The following BBS9 variants were observed in gnomAD, a reference collection of about 807,000 sequenced individuals.
BBS9 encodes the protein protein PTHB1.
In BBS9, 89 loss-of-function variants were observed where a neutral mutation model predicts 117.7. The observed-to-expected ratio is 0.76, with a 90% confidence interval of 0.64 to 0.90. The LOEUF is 0.90. Ranked by LOEUF, BBS9 falls within the 40% of genes least tolerant of loss-of-function variation. The pLI is 0.00. For synonymous variants in BBS9, 379 were observed against 370.9 expected (o/e 1.02, Z -0.25); for missense variants, 982 against 1,042.2 (o/e 0.94, Z 0.80).
chr7:33,159,083 A>T (rs1157696017), intron 4 of BBS9, among the ~76,000 whole-genome samples: 1 of 152,184 alleles, frequency 6.6e-6, no homozygotes, highest in Non-Finnish European at 1.5e-5. Flanking sequence ...AGTAGGTTAC[A>T]GTCTATTTCC....
chr7:33,238,294 G>A (rs1469190290), intron 5 of BBS9, among the ~76,000 whole-genome samples: 2 of 151,714 alleles, frequency 1.3e-5, no homozygotes, highest in Non-Finnish European at 2.9e-5. Context: ...TTCCTCAAAG[G>A]TCTTTTTTTT....
chr7:33,221,528 T>C (rs570197684), intron 5 of BBS9, among the ~76,000 whole-genome samples: 1 of 152,208 alleles, frequency 6.6e-6, no homozygotes, highest in South Asian at 2.1e-4. Flanking sequence ...TGCTTTCTAC[T>C]ATGGGAGGTT....
At chr7:33,300,757 C>T (rs1469611045) in intron 9 of BBS9, among the ~76,000 whole-genome samples, 1 of 152,044 alleles carries the variant, frequency 6.6e-6, no homozygotes, top group Non-Finnish European at 1.5e-5. Context: ...AACCTTCCTC[C>T]TTAATGTTCT....
At chr7:33,216,546 A>T (rs2128232356) in intron 5 of BBS9, among the ~76,000 whole-genome samples, 1 of 152,324 alleles carries the variant, frequency 6.6e-6, no homozygotes, top group East Asian at 1.9e-4. Flanking sequence ...CTGATCTTTT[A>T]AAAAAAGAAA....
rs530768695 is a variant in BBS9 at position 33,194,010 on chromosome 7, C to T, written c.442+16419C>T. 1.3e-5 allele frequency among the ~76,000 whole-genome samples: 2 copies of T among 152,222 alleles called. 1 individual carries two copies. The highest frequency in any genetic ancestry group is 1.3e-4 in the Admixed American group (2 of 15,298). ...TCCTCCTCTCGCCTGTCTTCCACTTCTTCTACTCATCATAATTGCTGGAGA... is the reference window on the plus strand; with the variant it reads ...TCCTCCTCTCGCCTGTCTTCCACTTTTTCTACTCATCATAATTGCTGGAGA... On this transcript the variant is annotated intron_variant, in intron 5 of 22. Coordinates refer to ENST00000242067, the MANE Select transcript of BBS9 (RefSeq NM_198428.3).
intron 21 of BBS9, among the ~76,000 whole-genome samples, chr7:33,547,055 G>A (rs79227275): frequency 0.012 from 1,877 of 152,064 alleles, 32 homozygotes; most frequent in East Asian, 0.053. Flanking sequence ...TTATAGACTC[G>A]TGGGAAGATG....
chr7:33,247,818 C>T (rs1795593443), intron 5 of BBS9, among the ~76,000 whole-genome samples: 1 of 152,152 alleles, frequency 6.6e-6, no homozygotes, highest in Non-Finnish European at 1.5e-5. Flanking sequence ...AAATAATTCA[C>T]CCAATATTTT....
chr7:33,493,068 C>T (rs758264555), intron 19 of BBS9, among the ~76,000 whole-genome samples: 6 of 152,046 alleles, frequency 3.9e-5, no homozygotes, highest in Non-Finnish European at 8.8e-5. Context: ...ATTCTTGGCT[C>T]ACTGCAGCCT....
At chr7:33,611,653 T>C (rs1216362863) in intron 21 of BBS9, among the ~76,000 whole-genome samples, 2 of 135,542 alleles carry the variant, frequency 1.5e-5, no homozygotes, top group African/African-American at 2.8e-5. Flanking sequence ...AGGTATATTA[T>C]ATATTAAATG....
intron 21 of BBS9, among the ~76,000 whole-genome samples, chr7:33,584,495 T>TA (rs1286585564): frequency 6.6e-6 from 1 of 152,014 alleles, no homozygotes; most frequent in African/African-American, 2.4e-5. Context: ...CTGGCATTTT[T>TA]AAAAAAATTA....
intron 15 of BBS9, among the ~76,000 whole-genome samples, chr7:33,354,200 G>T (rs1157397288): frequency 6.6e-6 from 1 of 152,092 alleles, no homozygotes; most frequent in Non-Finnish European, 1.5e-5. Flanking sequence ...TTAGGGAGTG[G>T]AGTTGAAATA....
intron 10 of BBS9, among the ~76,000 whole-genome samples, chr7:33,337,107 A>G (rs1254550370): frequency 2.6e-5 from 4 of 152,270 alleles, no homozygotes; most frequent in Non-Finnish European, 5.9e-5. Flanking sequence ...AACCATCCAA[A>G]TGGTGTGTAG....
At chr7:33,457,970 A>G (rs531061802) in intron 19 of BBS9, among the ~76,000 whole-genome samples, 3 of 152,256 alleles carry the variant, frequency 2.0e-5, no homozygotes, top group Non-Finnish European at 4.4e-5. Flanking sequence ...GGATCAGGAA[A>G]AGGTTTGAGG....
intron 21 of BBS9, among the ~76,000 whole-genome samples, chr7:33,555,626 G>A (rs1855175754): frequency 6.6e-6 from 1 of 152,160 alleles, no homozygotes; most frequent in Non-Finnish European, 1.5e-5. Flanking sequence ...GTAGTTGATT[G>A]GAGATAAGGA....
chr7:33,476,312 A>G (rs1366019144), intron 19 of BBS9, among the ~76,000 whole-genome samples: 1 of 152,166 alleles, frequency 6.6e-6, no homozygotes, highest in Non-Finnish European at 1.5e-5. Context: ...CATGGTGGAA[A>G]CCTGTGCAGT....
In BBS9 at chr7:33,406,711, T is replaced by C. The variant is rs565616775; in HGVS notation, c.2115+18567T>C. On this transcript the variant is annotated intron_variant, in intron 19 of 22. Coordinates refer to ENST00000242067, the MANE Select transcript of BBS9 (RefSeq NM_198428.3). Reference sequence around the variant, plus strand: ...ACTTATGAAGCTTAGTTTGGCTGGATATGAAATTCTGGGTTGACAGTTCTT... The same window carrying C: ...ACTTATGAAGCTTAGTTTGGCTGGACATGAAATTCTGGGTTGACAGTTCTT... Among the ~76,000 whole-genome samples, 68 of 152,300 alleles carry C rather than the reference T, an allele frequency of 4.5e-4. 1 individual carries two copies. In the East Asian group the frequency reaches 0.012, roughly 27 times the overall value.
chr7:33,228,437 C>A (rs1791704328), intron 5 of BBS9, among the ~76,000 whole-genome samples: 3 of 151,896 alleles, frequency 2.0e-5, no homozygotes, highest in Admixed American at 6.6e-5. Flanking sequence ...CATTTTCTTT[C>A]TTCCAGAAGA....
At chr7:33,404,247 C>G (rs13228266) in intron 19 of BBS9, among the ~76,000 whole-genome samples, 26,773 of 151,896 alleles carry the variant, frequency 0.18, 2,527 homozygotes, top group South Asian at 0.21. Flanking sequence ...GTTACTGTAG[C>G]CTTGTAGTAT....
intron 5 of BBS9, among the ~76,000 whole-genome samples, chr7:33,235,968 G>A (rs2128272181): frequency 6.6e-6 from 1 of 152,262 alleles, no homozygotes. Flanking sequence ...TAACGAAAAT[G>A]AAAGTAATGA....
Sources: allele counts gnomAD v4.1 joint callset (sites outside exome capture counted in the v4.1 genomes callset), GRCh38; gene constraint gnomAD v4.1.1; transcripts MANE v1.5; gene names NCBI Gene and HGNC (gene_info 2026-07-23, HGNC 2026-07-21).